Variants in ATP8A2 observed in about 807,000 individuals in gnomAD.
ATP8A2 encodes the protein phospholipid-transporting ATPase IB.
A neutral mutation model predicts 165.6 loss-of-function variants in ATP8A2; 100 were observed. The observed-to-expected ratio is 0.60, with a 90% CI of 0.51 to 0.71. ATP8A2 has a LOEUF of 0.71. Ranked by LOEUF, ATP8A2 falls within the 30% of genes least tolerant of loss-of-function variation. The probability of loss-of-function intolerance (pLI) is 0.00; values close to 1 mark genes in which losing one functional copy is unlikely to be tolerated. For synonymous variants in ATP8A2, 543 were observed against 548.8 expected, an observed-to-expected ratio of 0.99 and a Z score of 0.15; for missense variants, 1,227 against 1,479.5, an observed-to-expected ratio of 0.83 and a Z score of 2.80.
rs763234093 is a variant in ATP8A2, at chr13:25,564,065, C to G, written c.1473+34C>G. 4 of 1,474,412 alleles carry G rather than the reference C, an allele frequency of 2.7e-6. No homozygotes were observed. The South Asian group carries it at 4.5e-5, about 17-fold the overall frequency. The allele number at this position is 1,474,412 out of a possible 1,614,324, so 91.3% of individuals were successfully genotyped here. ...TCTGTTTTACTTCGAAGACAGCAAA[C>G]AGCTTACGGTGCAACTTTCTTTTAT... On this transcript the variant is annotated intron_variant, in intron 16 of 36. Transcript: ENST00000381655.
intron 2 of ATP8A2, among the ~76,000 whole-genome samples, chr13:25,525,231 A>G (rs1476541745): frequency 1.3e-5 from 2 of 151,986 alleles, no homozygotes; most frequent in Non-Finnish European, 2.9e-5. Context: ...TGTTACCTCA[A>G]TTTGGATATA....
intron 26 of ATP8A2, among the ~76,000 whole-genome samples, chr13:25,774,000 G>A (rs887496626): frequency 3.3e-5 from 5 of 152,174 alleles, no homozygotes; most frequent in Admixed American, 6.5e-5. Flanking sequence ...TTGTGTGAGT[G>A]TCCCTGTCCC....
chr13:26,012,944 C>T (rs1034688294), intron 36 of ATP8A2, among the ~76,000 whole-genome samples: 3 of 152,094 alleles, frequency 2.0e-5, no homozygotes, highest in Non-Finnish European at 4.4e-5. Context: ...CTAAAGATAG[C>T]AATATGAACT....
At chr13:26,012,720 T>G in intron 36 of ATP8A2, 98 bp downstream of exon 36, 4 of 29,840 alleles carry the variant, frequency 1.3e-4, no homozygotes, top group South Asian at 5.7e-4. Context: ...GGGGGCCGGG[T>G]GAGTGCTGAC....
intron 35 of ATP8A2, among the ~76,000 whole-genome samples, chr13:25,978,979 T>A (rs973706596): frequency 3.3e-5 from 5 of 151,870 alleles, no homozygotes; most frequent in Admixed American, 2.0e-4. Context: ...ATGTTTTTTA[T>A]TCATATTTGA....
intron 2 of ATP8A2, among the ~76,000 whole-genome samples, chr13:25,480,864 C>T (rs1422802448): frequency 6.6e-6 from 1 of 151,530 alleles, no homozygotes; most frequent in Non-Finnish European, 1.5e-5. Flanking sequence ...AGCCTGGGCA[C>T]CATTGAGCAC....
chr13:25,401,690 C>A (rs1358265189), intron 1 of ATP8A2, among the ~76,000 whole-genome samples: 4 of 152,072 alleles, frequency 2.6e-5, no homozygotes, highest in Non-Finnish European at 5.9e-5. Flanking sequence ...CCAGTAGGTA[C>A]CGGAAACCTC....
chr13:25,450,593 G>A (rs2147488), intron 1 of ATP8A2, among the ~76,000 whole-genome samples: 71,947 of 151,550 alleles, frequency 0.47, 17,474 homozygotes, highest in East Asian at 0.69. Context: ...GTGCAGTGGT[G>A]TGATCTCGGC....
At chr13:25,393,967 C>A (rs2033335828) in intron 1 of ATP8A2, among the ~76,000 whole-genome samples, 2 of 152,118 alleles carry the variant, frequency 1.3e-5, no homozygotes, top group Non-Finnish European at 1.5e-5. Flanking sequence ...GTGTAGTAAC[C>A]TATAAAACAG....
intron 35 of ATP8A2, among the ~76,000 whole-genome samples, chr13:26,011,613 A>T (rs934318833): frequency 1.3e-5 from 2 of 152,226 alleles, no homozygotes; most frequent in African/African-American, 4.8e-5. Flanking sequence ...CTGCCTGGGC[A>T]GTTTTCAAGC....
chr13:25,842,405 T>C (rs1431663283), intron 30 of ATP8A2, among the ~76,000 whole-genome samples: 3 of 152,184 alleles, frequency 2.0e-5, no homozygotes, highest in Admixed American at 6.5e-5. Context: ...CTGGGCGTGG[T>C]GTCTCACGCC....
intron 24 of ATP8A2, among the ~76,000 whole-genome samples, chr13:25,660,099 A>G (rs17082615): frequency 0.034 from 5,246 of 152,320 alleles, 157 homozygotes; most frequent in East Asian, 0.13. Context: ...TCTTCTAAAT[A>G]TCAGAATTTG....
chr13:25,526,751 GA>G (rs2037853411), intron 2 of ATP8A2, among the ~76,000 whole-genome samples: 1 of 152,210 alleles, frequency 6.6e-6, no homozygotes, highest in African/African-American at 2.4e-5. Flanking sequence ...AAAGTTTCCA[GA>G]GTTGGGGATA....
intron 2 of ATP8A2, among the ~76,000 whole-genome samples, chr13:25,509,506 A>G (rs1209618450): frequency 6.6e-6 from 1 of 152,092 alleles, no homozygotes; most frequent in South Asian, 2.1e-4. Flanking sequence ...TTAATATTAT[A>G]GTATTTAATA....
chr13:25,759,852 A>T (rs976654669), intron 25 of ATP8A2, among the ~76,000 whole-genome samples: 1 of 152,212 alleles, frequency 6.6e-6, no homozygotes, highest in Admixed American at 6.5e-5. Context: ...GCTTGCCCAG[A>T]TCTTAATACA....
chr13:25,673,742 A>G lies in ATP8A2; in HGVS notation c.2212-25431A>G, dbSNP rs74370345. Among the ~76,000 whole-genome samples, 2,589 of 152,270 alleles carry G rather than the reference A, an allele frequency of 0.017. 193 individuals are homozygous for G. The East Asian group carries it at 0.24, about 14-fold the overall frequency. On this transcript the variant is annotated intron_variant, in intron 24 of 36. Transcript: ENST00000381655. ...GATAAAGAATGATTCACGGCAATGGAAAGAAAGCCAGCCACTGAAGTAACT... is the reference window on the plus strand; with the variant it reads ...GATAAAGAATGATTCACGGCAATGGGAAGAAAGCCAGCCACTGAAGTAACT...
intron 25 of ATP8A2, among the ~76,000 whole-genome samples, chr13:25,715,605 A>G (rs2043239829): frequency 6.6e-6 from 1 of 152,170 alleles, no homozygotes; most frequent in Non-Finnish European, 1.5e-5. Context: ...CTTACTGTAA[A>G]GTCTTCAAAG....
chr13:25,480,051 C>T (rs1183762401), intron 2 of ATP8A2, among the ~76,000 whole-genome samples: 1 of 152,180 alleles, frequency 6.6e-6, no homozygotes, highest in Non-Finnish European at 1.5e-5. Flanking sequence ...GGGCTCCTCA[C>T]TTCCCAGTAG....
rs376540886 is a variant in ATP8A2, at chr13:25,839,615, C to G, written c.2947C>G (p.Leu983Val). The G allele has an allele frequency of 6.2e-7, 1 of 1,613,780 alleles. No homozygotes were observed. The highest frequency in any genetic ancestry group is 8.5e-7 in the Non-Finnish European group (1 of 1,179,702). ...LILFWFPMKA[L>V]EHDTVLTSGH... ...CCTCTTCTGGTTTCCCATGAAAGCT[C>G]TGGAGCATGGTAAGGGCTGTGTGAT... Residue 983 changes from leucine (L) to valine (V), a missense_variant, in exon 30 of 37, where the codon CTG (leucine) becomes GTG (valine). Coordinates refer to ENST00000381655, the MANE Select transcript of ATP8A2 (RefSeq NM_016529.6).
Sources: gnomAD v4.1 joint callset for allele counts (sites outside exome capture counted in the v4.1 genomes callset) on GRCh38, gnomAD v4.1.1 for gene constraint, MANE v1.5 for transcripts, NCBI Gene and HGNC (gene_info 2026-07-23, HGNC 2026-07-21) for gene names.